HDAC4: variants seen among roughly 807,000 people sequenced by gnomAD.
HDAC4 encodes the protein histone deacetylase A.
HDAC4 carries 16 observed loss-of-function variants against 135.1 expected under a neutral mutation model. That is an observed-to-expected ratio of 0.12 (90% CI 0.08 to 0.18). The LOEUF (loss-of-function observed/expected upper bound fraction) is 0.18, where lower values mean the gene tolerates loss of function less well. Ranked by LOEUF, HDAC4 falls within the 10% of genes least tolerant of loss-of-function variation. HDAC4 has a pLI of 1.00. For missense variants in HDAC4, 1,143 were observed against 1,511.8 expected, an observed-to-expected ratio of 0.76 and a Z score of 4.05; for synonymous variants, 685 against 653.4, an observed-to-expected ratio of 1.05 and a Z score of -0.74.
chr2:239,054,663 G>T, intron 25 of HDAC4, 86 bp downstream of exon 25: 1 of 867,258 alleles, frequency 1.2e-6, no homozygotes, highest in Non-Finnish European at 2.0e-6. Context: ...GAGAAGAGCT[G>T]GGGGTATAGG....
At chr2:239,392,780 A>C (rs1696314959) in intron 1 of HDAC4, among the ~76,000 whole-genome samples, 2 of 152,194 alleles carry the variant, frequency 1.3e-5, no homozygotes, top group African/African-American at 4.8e-5. Context: ...GCCCTTGGCC[A>C]CGCTCTGCTG....
At chr2:239,182,008 T>C (rs1179430388) in intron 4 of HDAC4, among the ~76,000 whole-genome samples, 1 of 152,200 alleles carries the variant, frequency 6.6e-6, no homozygotes, top group African/African-American at 2.4e-5. Flanking sequence ...GCGGTGTTCC[T>C]TGCCGCCACA....
At chr2:239,323,764 CG>C (rs1301256746) in intron 2 of HDAC4, among the ~76,000 whole-genome samples, 4 of 152,096 alleles carry the variant, frequency 2.6e-5, no homozygotes, top group Non-Finnish European at 1.5e-5. Flanking sequence ...TCCCCTGTCA[CG>C]GGGCCCCGGG....
chr2:239,375,361 G>A (rs919168479), intron 1 of HDAC4, among the ~76,000 whole-genome samples: 2 of 115,956 alleles, frequency 1.7e-5, no homozygotes, highest in Non-Finnish European at 3.3e-5. Context: ...CTGAACACCT[G>A]CCAGGCCACG....
chr2:239,110,271 A>G (rs1158228379), intron 14 of HDAC4, among the ~76,000 whole-genome samples: 1 of 152,244 alleles, frequency 6.6e-6, no homozygotes, highest in Non-Finnish European at 1.5e-5. Flanking sequence ...TACAATGAAC[A>G]TGTACTGTTT....
intron 7 of HDAC4, among the ~76,000 whole-genome samples, chr2:239,150,726 G>A (rs56088729): frequency 2.9e-3 from 375 of 130,618 alleles, no homozygotes; most frequent in African/African-American, 0.013. Context: ...GTCTCACCAC[G>A]CTGCACCTCC....
At chr2:239,171,982 A>T (rs1175851153) in intron 5 of HDAC4, among the ~76,000 whole-genome samples, 1 of 152,218 alleles carries the variant, frequency 6.6e-6, no homozygotes, top group Admixed American at 6.5e-5. Context: ...TAAGGTAAAC[A>T]AAGAATATCA....
rs1486431763 is a variant in HDAC4, at chr2:239,245,635, G to T, written c.23-8971C>A. On this transcript the variant is annotated intron_variant, in intron 2 of 26. Transcript: ENST00000543185. This position sits in a 1 kb window ranked among gnomAD's most constrained non-coding sequence, Gnocchi z 4.4. ...GTGGAGAGATGAAGTGGTCACGATGGAGAGCCTCAGGGATTTCCTGGCGGG... is the reference window on the plus strand; with the variant it reads ...GTGGAGAGATGAAGTGGTCACGATGTAGAGCCTCAGGGATTTCCTGGCGGG... 6.6e-6 allele frequency among the ~76,000 whole-genome samples: 1 copy of T among 152,140 alleles called. No homozygotes were observed. The highest frequency in any genetic ancestry group is 1.5e-5 in the Non-Finnish European group (1 of 68,030).
At chr2:239,159,863 C>T (rs1025795762) in intron 6 of HDAC4, among the ~76,000 whole-genome samples, 11 of 152,272 alleles carry the variant, frequency 7.2e-5, no homozygotes, top group South Asian at 2.1e-4. Context: ...GGCCAGGAGC[C>T]GAGGTGCAGC....
intron 1 of HDAC4, among the ~76,000 whole-genome samples, chr2:239,355,519 C>A (rs1255837985): frequency 6.6e-6 from 1 of 152,218 alleles, no homozygotes; most frequent in Non-Finnish European, 1.5e-5. Context: ...TCGGCCTAGT[C>A]CCTCCTCATA....
chr2:239,073,328 G>A (rs990634710), intron 22 of HDAC4, among the ~76,000 whole-genome samples: 2 of 152,230 alleles, frequency 1.3e-5, no homozygotes, highest in Non-Finnish European at 2.9e-5. Flanking sequence ...GAGGGCCATC[G>A]TTAGGGGCTG....
intron 3 of HDAC4, among the ~76,000 whole-genome samples, chr2:239,190,681 C>A (rs1039099311): frequency 2.6e-5 from 4 of 152,204 alleles, no homozygotes; most frequent in African/African-American, 9.6e-5. Context: ...GCCAACGAGA[C>A]GTGCTCCTGG....
At chr2:239,157,406 C>G (rs1207960390) in intron 6 of HDAC4, among the ~76,000 whole-genome samples, 3 of 152,186 alleles carry the variant, frequency 2.0e-5, no homozygotes, top group African/African-American at 7.2e-5. Flanking sequence ...AGGGAGCTGA[C>G]CTACGAAAGG....
At chr2:239,283,938 TG>T (rs1306123655) in intron 2 of HDAC4, among the ~76,000 whole-genome samples, 1 of 152,210 alleles carries the variant, frequency 6.6e-6, no homozygotes, top group Non-Finnish European at 1.5e-5. Flanking sequence ...CCAACATTGC[TG>T]GGGGACAGTA....
At chr2:239,126,834 G>C in intron 11 of HDAC4, 140 bp from the exon 12 acceptor site, 3 of 905,450 alleles carry the variant, frequency 3.3e-6, no homozygotes, top group Non-Finnish European at 5.2e-6. Context: ...CCCAGAGCTG[G>C]CTCGCTAACT....
At chr2:239,380,477 T>A (rs190684119) in intron 1 of HDAC4, among the ~76,000 whole-genome samples, 4 of 152,330 alleles carry the variant, frequency 2.6e-5, no homozygotes, top group Admixed American at 2.6e-4. Context: ...TAGCAAACAT[T>A]TGAGTTCACC....
chr2:239,087,456 C>T, intron 19 of HDAC4, 103 bp downstream of exon 19: 6 of 1,178,430 alleles, frequency 5.1e-6, no homozygotes, highest in South Asian at 1.3e-5. Flanking sequence ...GGCCAGCAAA[C>T]AGCAGCCCAG....
At chr2:239,150,449 C>T (rs75676237) in intron 7 of HDAC4, among the ~76,000 whole-genome samples, 151 of 151,796 alleles carry the variant, frequency 9.9e-4, no homozygotes, top group African/African-American at 3.4e-3. Context: ...AACACAGACA[C>T]ACACACAGAT....
At chr2:239,386,366 G>A (rs1325775455) in intron 1 of HDAC4, among the ~76,000 whole-genome samples, 1 of 152,136 alleles carries the variant, frequency 6.6e-6, no homozygotes, top group East Asian at 1.9e-4. Context: ...AAGAGAGATG[G>A]GTCACACCAG....
Sources: allele counts gnomAD v4.1 joint callset (sites outside exome capture counted in the v4.1 genomes callset), GRCh38; gene constraint gnomAD v4.1.1; non-coding constraint Gnocchi (gnomAD v3.1); transcripts MANE v1.5; gene names NCBI Gene and HGNC (gene_info 2026-07-23, HGNC 2026-07-21).